FRMD4A: variants seen among roughly 807,000 people sequenced by gnomAD.
FRMD4A encodes FERM domain-containing protein 4A.
Under a neutral mutation model 129.1 loss-of-function variants are expected in FRMD4A, and 29 were observed. That is an observed-to-expected ratio of 0.22 (90% CI 0.17 to 0.31). The LOEUF is 0.31. Among genes scored for constraint, FRMD4A ranks in the 10% least tolerant of loss-of-function variants. The pLI is 1.00. For missense variants in FRMD4A, 1,272 were observed against 1,375.8 expected (o/e 0.92, Z 1.19); for synonymous variants, 634 against 571.6 (o/e 1.11, Z -1.56).
At chr10:13,737,128 C>T (rs1000088960) in intron 12 of FRMD4A, among the ~76,000 whole-genome samples, 4 of 152,150 alleles carry the variant, frequency 2.6e-5, no homozygotes, top group African/African-American at 9.6e-5. Flanking sequence ...CTTGTTCTGT[C>T]ACCCAGGCTG....
At chr10:13,851,770 C>T (rs374735855) in intron 3 of FRMD4A, among the ~76,000 whole-genome samples, 2 of 151,680 alleles carry the variant, frequency 1.3e-5, no homozygotes, top group Non-Finnish European at 2.9e-5. Context: ...TGTGGTGGCG[C>T]CTGCCTGTAA....
intron 2 of FRMD4A, among the ~76,000 whole-genome samples, chr10:14,001,988 AT>A (rs1436439726): frequency 6.6e-6 from 1 of 152,216 alleles, no homozygotes; most frequent in African/African-American, 2.4e-5. Flanking sequence ...TGTATTCCGA[AT>A]TCTTAAGTTA....
At position 13,707,522 on chromosome 10, in the gene FRMD4A, G is replaced by C. The variant is rs1023319281; in HGVS notation, c.760-409C>G. On this transcript the variant is annotated intron_variant, in intron 12 of 24. Coordinates refer to ENST00000357447, the MANE Select transcript of FRMD4A (RefSeq NM_018027.5). ...GTGAGGGGAGAGGAGCGAGAGGAGC[G>C]AGCGCTCAGGAGGGAGCGGTAGCCA... is the stretch of plus-strand genomic sequence containing the variant. 6.0e-6 allele frequency: 6 copies of C among 1,005,290 alleles called. No individual in the cohort carries two copies. In the African/African-American group the frequency reaches 6.9e-5, roughly 12 times the overall value. The allele number at this position is 1,005,290 out of a possible 1,614,324, so 62.3% of individuals were successfully genotyped here.
At chr10:13,915,264 A>G (rs2094987594) in intron 2 of FRMD4A, among the ~76,000 whole-genome samples, 1 of 152,186 alleles carries the variant, frequency 6.6e-6, no homozygotes, top group African/African-American at 2.4e-5. Context: ...GAATAGCTCT[A>G]GCAGTGGGAA....
chr10:14,282,466 C>G (rs904402272), intron 2 of FRMD4A, among the ~76,000 whole-genome samples: 11 of 152,086 alleles, frequency 7.2e-5, no homozygotes, highest in South Asian at 4.1e-4. Flanking sequence ...AATCGCCTTG[C>G]GTTAGCCGTG....
intron 2 of FRMD4A, among the ~76,000 whole-genome samples, chr10:14,289,183 G>A (rs939702353): frequency 3.3e-5 from 5 of 152,016 alleles, no homozygotes; most frequent in Non-Finnish European, 5.9e-5. Flanking sequence ...AATTTTTTGA[G>A]GACTCATTAT....
intron 2 of FRMD4A, among the ~76,000 whole-genome samples, chr10:13,887,433 C>T (rs1314076212): frequency 6.6e-6 from 1 of 152,186 alleles, no homozygotes; most frequent in African/African-American, 2.4e-5. Context: ...GTAATCCCAG[C>T]ACTTTGGGAG....
chr10:13,747,892 C>T (rs181453502), intron 8 of FRMD4A, 73 bp from the exon 9 acceptor site: 39 of 852,832 alleles, frequency 4.6e-5, no homozygotes, highest in Admixed American at 2.9e-4. Flanking sequence ...CCACTTGGGC[C>T]GCTGTCTTGT....
At chr10:13,911,276 G>A (rs968207843) in intron 2 of FRMD4A, among the ~76,000 whole-genome samples, 1 of 152,156 alleles carries the variant, frequency 6.6e-6, no homozygotes, top group African/African-American at 2.4e-5. Context: ...TTCCAAAAAA[G>A]TAAAGCTCTG....
chr10:14,324,636 A>G (rs1347567485), intron 2 of FRMD4A, among the ~76,000 whole-genome samples: 3 of 147,772 alleles, frequency 2.0e-5, no homozygotes, highest in African/African-American at 7.5e-5. Context: ...TGAAAACTTG[A>G]GTACTATCTT....
At chr10:13,941,628 T>C (rs368165882) in intron 2 of FRMD4A, among the ~76,000 whole-genome samples, 27 of 152,234 alleles carry the variant, frequency 1.8e-4, no homozygotes, top group African/African-American at 5.8e-4. Context: ...CTTGAGCTGA[T>C]AGAATTATAC....
At chr10:14,213,183 G>A (rs995088555) in intron 2 of FRMD4A, among the ~76,000 whole-genome samples, 1 of 152,186 alleles carries the variant, frequency 6.6e-6, no homozygotes, top group Non-Finnish European at 1.5e-5. Flanking sequence ...ATTGCAGGCT[G>A]CAGTGAGCTA....
intron 2 of FRMD4A, among the ~76,000 whole-genome samples, chr10:14,136,191 C>T (rs1195605285): frequency 6.6e-6 from 1 of 152,076 alleles, no homozygotes; most frequent in Non-Finnish European, 1.5e-5. Flanking sequence ...AAATAAATCT[C>T]GGGACCCCAT....
rs567833003 is a variant in FRMD4A, at chr10:13,750,504, A to G, written c.465-2685T>C. ...CATGTCAATCCAAACAGCAGACACG[A>G]AAGCTCAGAGGAAATAAAGGCACCC... is the stretch of plus-strand genomic sequence containing the variant. On this transcript the variant is annotated intron_variant, in intron 8 of 24. Transcript: ENST00000357447. Among the ~76,000 whole-genome samples, 8 of 152,318 alleles carry G rather than the reference A, an allele frequency of 5.3e-5. No homozygotes were observed. In the South Asian group the frequency reaches 6.2e-4, roughly 12 times the overall value.
intron 2 of FRMD4A, among the ~76,000 whole-genome samples, chr10:14,267,262 G>C (rs1014505615): frequency 1.3e-5 from 2 of 152,114 alleles, no homozygotes; most frequent in African/African-American, 4.8e-5. Context: ...GAGTTCTTGG[G>C]AACACACATC....
chr10:14,197,877 C>A (rs891214064), intron 2 of FRMD4A, among the ~76,000 whole-genome samples: 1 of 152,206 alleles, frequency 6.6e-6, no homozygotes, highest in Non-Finnish European at 1.5e-5. Context: ...GTAATTTCCA[C>A]GAGACAGAAT....
At chr10:13,827,307 C>T (rs2093716859) in intron 3 of FRMD4A, among the ~76,000 whole-genome samples, 1 of 152,308 alleles carries the variant, frequency 6.6e-6, no homozygotes, top group Non-Finnish European at 1.5e-5. Context: ...TGAAATGTCT[C>T]ATGGTCTAGC....
At chr10:14,232,007 G>A (rs527658224) in intron 2 of FRMD4A, among the ~76,000 whole-genome samples, 1 of 152,126 alleles carries the variant, frequency 6.6e-6, no homozygotes, top group Non-Finnish European at 1.5e-5. Context: ...CTTTGCCAGG[G>A]CTGATGTCCT....
chr10:14,048,500 G>C (rs1834085246), intron 2 of FRMD4A, among the ~76,000 whole-genome samples: 1 of 152,102 alleles, frequency 6.6e-6, no homozygotes, highest in South Asian at 2.1e-4. Flanking sequence ...CATGCCTTAA[G>C]TTTGCTGAGA....
Sources: gnomAD v4.1 joint callset for allele counts (sites outside exome capture counted in the v4.1 genomes callset) on GRCh38, gnomAD v4.1.1 for gene constraint, MANE v1.5 for transcripts, NCBI Gene and HGNC (gene_info 2026-07-23, HGNC 2026-07-21) for gene names.